GRIN2A: variants seen among roughly 807,000 people sequenced by gnomAD.
GRIN2A encodes glutamate ionotropic receptor NMDA type subunit 2A.
Under a neutral mutation model 113.4 loss-of-function variants are expected in GRIN2A, and 22 were observed. The observed-to-expected ratio is 0.19, with a 90% CI of 0.14 to 0.28. GRIN2A has a LOEUF of 0.28. Ranked by LOEUF, GRIN2A falls within the 10% of genes least tolerant of loss-of-function variation. GRIN2A has a pLI of 1.00. For missense variants in GRIN2A, 1,502 were observed against 1,887.0 expected, an observed-to-expected ratio of 0.80 and a Z score of 3.78; for synonymous variants, 827 against 738.4, an observed-to-expected ratio of 1.12 and a Z score of -1.94.
At chr16:9,847,037 G>C (rs892600993) in intron 5 of GRIN2A, among the ~76,000 whole-genome samples, 1 of 152,182 alleles carries the variant, frequency 6.6e-6, no homozygotes, top group Admixed American at 6.5e-5. Context: ...CACAGATGCA[G>C]TGCCTGCTGG....
rs145861983 is a variant in GRIN2A at position 9,763,927 on chromosome 16, C to A, written c.3617G>T (p.Arg1206Leu). The stretch of plus-strand genomic sequence containing the variant: ...GCAGTGCGTGGAGTTCTGCCGGTAT[C>A]GCTCGCTGGTCTCACTGTGCGGGGA... ...KGSPHSETSE[R>L]YRQNSTHCRS... The change falls in exon 13 of 13, where the codon CGA becomes CTA. Residue 1206 changes from arginine (R) to leucine (L), a missense_variant. By Grantham distance (102) the Arg-to-Leu change is moderately radical (BLOSUM62 -2). This residue lies in a region of GRIN2A where 832 missense variants were observed against 789.7 expected (regional missense o/e 1.05). Transcript: ENST00000330684. The A allele has an allele frequency of 6.2e-7, 1 of 1,614,084 alleles. No homozygotes were observed. The highest frequency in any genetic ancestry group is 8.5e-7 in the Non-Finnish European group (1 of 1,180,014).
chr16:9,824,630 C>G (rs553021770), intron 9 of GRIN2A, among the ~76,000 whole-genome samples: 2 of 152,274 alleles, frequency 1.3e-5, no homozygotes, highest in Admixed American at 6.5e-5. Flanking sequence ...CAGCCTGACA[C>G]CAAGCTCCAG....
At chr16:10,065,849 G>A (rs2047638781) in intron 2 of GRIN2A, among the ~76,000 whole-genome samples, 2 of 152,066 alleles carry the variant, frequency 1.3e-5, no homozygotes, top group Non-Finnish European at 2.9e-5. Flanking sequence ...AACATTGGGA[G>A]GGGGGGCGCT....
chr16:9,900,991 T>C (rs1047195925), intron 3 of GRIN2A, among the ~76,000 whole-genome samples: 25 of 152,350 alleles, frequency 1.6e-4, no homozygotes, highest in African/African-American at 5.5e-4. Flanking sequence ...ATGTTGCTCT[T>C]CCAACCAAAA....
At chr16:10,030,004 AT>A (rs768530264) in intron 2 of GRIN2A, among the ~76,000 whole-genome samples, 1 of 152,038 alleles carries the variant, frequency 6.6e-6, no homozygotes, top group East Asian at 1.9e-4. Context: ...CTCCAAAAAA[AT>A]AAATAAATAA....
intron 2 of GRIN2A, among the ~76,000 whole-genome samples, chr16:9,984,573 ATCCACTTT>A (rs1407083232): frequency 2.0e-5 from 3 of 152,188 alleles, no homozygotes; most frequent in African/African-American, 7.2e-5. Context: ...GCATATGAAT[ATCCACTTT>A]TCCAAGCACC....
chr16:9,840,524 C>G (rs1160339845), intron 7 of GRIN2A, 123 bp downstream of exon 7: 1 of 917,564 alleles, frequency 1.1e-6, no homozygotes, highest in East Asian at 2.5e-5. Context: ...GCAGCATCCT[C>G]TGAAATATGC....
intron 2 of GRIN2A, among the ~76,000 whole-genome samples, chr16:10,132,324 G>A (rs2039920009): frequency 1.2e-5 from 1 of 80,656 alleles, no homozygotes; most frequent in South Asian, 4.8e-4. Flanking sequence ...AGAATGAGCA[G>A]AACAAGACAC....
intron 2 of GRIN2A, among the ~76,000 whole-genome samples, chr16:10,030,363 G>A (rs1438296310): frequency 6.6e-6 from 1 of 152,120 alleles, no homozygotes; most frequent in African/African-American, 2.4e-5. Flanking sequence ...TGAATAGCAT[G>A]TGCACAGGTG....
rs2043685214 is a variant in GRIN2A at position 9,891,046 on chromosome 16, G to A, written c.1062C>T (p.Gly354=). ...DGKDLSFTEE[G]YQVHPRLVVI... ...CCACCAGCCTGGGGTGCACCTGGTA[G>A]CCTTCCTCAGTGAAGGATAAGTCTT... is the stretch of plus-strand genomic sequence containing the variant. The change falls in exon 4 of 13, where the codon GGC becomes GGT. Residue 354 remains glycine (G), a synonymous_variant. Transcript: ENST00000330684. 6.2e-7 allele frequency: 1 copy of A among 1,613,276 alleles called. No homozygotes were observed.
At chr16:9,823,197 G>A (rs760320143) in intron 9 of GRIN2A, among the ~76,000 whole-genome samples, 3 of 140,104 alleles carry the variant, frequency 2.1e-5, no homozygotes, top group Non-Finnish European at 4.6e-5. Context: ...GATGTTTCAG[G>A]TGACTCAATG....
At chr16:10,119,829 G>C (rs145264465) in intron 2 of GRIN2A, among the ~76,000 whole-genome samples, 294 of 152,268 alleles carry the variant, frequency 1.9e-3, no homozygotes, top group African/African-American at 6.8e-3. Context: ...GTAAGAACAT[G>C]TAGTATTTGG....
At chr16:9,775,837 C>A (rs963938793) in intron 11 of GRIN2A, among the ~76,000 whole-genome samples, 1 of 152,202 alleles carries the variant, frequency 6.6e-6, no homozygotes, top group Non-Finnish European at 1.5e-5. Context: ...CCAGTGTCTC[C>A]TCACATACAA....
At chr16:9,880,487 C>T (rs1017042745) in intron 4 of GRIN2A, among the ~76,000 whole-genome samples, 1 of 152,148 alleles carries the variant, frequency 6.6e-6, no homozygotes, top group Admixed American at 6.5e-5. Context: ...AGGCTCGCCC[C>T]AATAATCTCC....
intron 11 of GRIN2A, among the ~76,000 whole-genome samples, chr16:9,778,509 G>A (rs372849458): frequency 6.6e-6 from 1 of 152,186 alleles, no homozygotes; most frequent in Non-Finnish European, 1.5e-5. Context: ...AGGAGTTCTT[G>A]TGTTTTAAAC....
chr16:9,956,199 A>T (rs2045305854), intron 2 of GRIN2A, among the ~76,000 whole-genome samples: 1 of 152,158 alleles, frequency 6.6e-6, no homozygotes, highest in Non-Finnish European at 1.5e-5. Flanking sequence ...GAAAGAATCC[A>T]CTGTCCTGTG....
intron 4 of GRIN2A, among the ~76,000 whole-genome samples, chr16:9,888,752 T>C (rs918564244): frequency 6.6e-6 from 1 of 151,924 alleles, no homozygotes; most frequent in African/African-American, 2.4e-5. Flanking sequence ...AATCGATATA[T>C]ATATTATAGG....
At chr16:9,855,162 G>T (rs538461376) in intron 4 of GRIN2A, among the ~76,000 whole-genome samples, 4 of 152,180 alleles carry the variant, frequency 2.6e-5, no homozygotes, top group Non-Finnish European at 4.4e-5. Context: ...AATAGCACAG[G>T]CTTAGAGATC....
intron 2 of GRIN2A, among the ~76,000 whole-genome samples, chr16:9,987,153 T>C (rs1458852380): frequency 1.3e-5 from 2 of 152,216 alleles, no homozygotes; most frequent in African/African-American, 4.8e-5. Context: ...TGTTTGTTAT[T>C]GCAGAGCATG....
Sources: allele counts gnomAD v4.1 joint callset (sites outside exome capture counted in the v4.1 genomes callset), GRCh38; gene constraint gnomAD v4.1.1; regional missense constraint gnomAD v4.1.1; transcripts MANE v1.5; gene names NCBI Gene and HGNC (gene_info 2026-07-23, HGNC 2026-07-21).